Variants in CHRM3 observed in about 807,000 individuals in gnomAD.
CHRM3 encodes cholinergic receptor muscarinic 3.
CHRM3 carries 11 observed loss-of-function variants against 41.8 expected under a neutral mutation model. The ratio of observed to expected loss-of-function variants is 0.26; its 90% CI spans 0.17 to 0.44. The LOEUF (loss-of-function observed/expected upper bound fraction) is 0.44, where lower values mean the gene tolerates loss of function less well. Ranked by LOEUF, CHRM3 falls within the 20% of genes least tolerant of loss-of-function variation. CHRM3 has a pLI of 1.00. For missense variants in CHRM3, 571 were observed against 745.4 expected (o/e 0.77, Z 2.72); for synonymous variants, 297 against 301.4 (o/e 0.99, Z 0.15).
chr1:239,909,265 A>G lies in CHRM3; in HGVS notation c.*41A>G, dbSNP rs1680220961. ...ATAGCAGTGACAAAACGCACACATC[A>G]ACCCACAGACCTTAGGAGGAGGAAG... On this transcript the variant is annotated 3_prime_UTR_variant, in exon 7 of 7. Transcript: ENST00000676153. The G allele has an allele frequency of 3.9e-6, 6 of 1,555,484 alleles. No homozygotes were observed. Among genetic ancestry groups the G allele is most frequent in the Non-Finnish European group, 5.2e-6 (6 of 1,151,038 alleles).
intron 1 of CHRM3, among the ~76,000 whole-genome samples, chr1:239,408,773 C>G (rs1660839866): frequency 6.6e-6 from 1 of 151,040 alleles, no homozygotes; most frequent in African/African-American, 2.4e-5. Flanking sequence ...AGGTGCACAA[C>G]AGCGTGGCTG....
chr1:239,407,990 A>G (rs1660741539), intron 1 of CHRM3, among the ~76,000 whole-genome samples: 1 of 152,054 alleles, frequency 6.6e-6, no homozygotes. Flanking sequence ...GTGATAGGCA[A>G]TTGATATGGT....
rs1553356874 is a variant in CHRM3 at position 239,662,893 on chromosome 1, C to CTCTTCTTCTTCTTCTTTTTCTTCT, written c.-249-15277_-249-15276insTTTCTTCTTCTTCTTCTTCTTCTT. The stretch of plus-strand genomic sequence containing the variant: ...TCTCCTCTTTCTCCTCTTCCTCCTC[C>CTCTTCTTCTTCTTCTTTTTCTTCT]TCTTCTTCTTCTTCTTCTTCTTCTT... On this transcript the variant is annotated intron_variant, in intron 4 of 6. Transcript: ENST00000676153. 1.9e-3 allele frequency among the ~76,000 whole-genome samples: 89 copies of CTCTTCTTCTTCTTCTTTTTCTTCT among 46,354 alleles called. 1 individual carries two copies. Among genetic ancestry groups the CTCTTCTTCTTCTTCTTTTTCTTCT allele is most frequent in the African/African-American group, 6.8e-3 (86 of 12,662 alleles). 30.4% of individuals were successfully genotyped at this position (46,354 alleles called of 152,430 possible). A position where few individuals can be genotyped will look rare whatever the true frequency, so the allele number is the denominator to read the frequency against.
intron 6 of CHRM3, among the ~76,000 whole-genome samples, chr1:239,838,986 G>A (rs1673559009): frequency 6.6e-6 from 1 of 152,180 alleles, no homozygotes. Context: ...GCATGGATGG[G>A]GATAGGTTTT....
At chr1:239,545,882 G>T (rs1030652311) in intron 3 of CHRM3, 133 bp downstream of exon 3, 6 of 152,230 alleles carry the variant, frequency 3.9e-5, no homozygotes, top group Non-Finnish European at 8.8e-5. Flanking sequence ...GCTAGATCTA[G>T]TCTATTTCTG....
chr1:239,628,550 C>G (rs1242236043), intron 3 of CHRM3, among the ~76,000 whole-genome samples: 2 of 69,346 alleles, frequency 2.9e-5, no homozygotes, highest in Admixed American at 1.2e-4. Context: ...TGGTGAGGAA[C>G]TGCGTTCCTT....
intron 4 of CHRM3, among the ~76,000 whole-genome samples, chr1:239,677,835 A>G (rs941804390): frequency 6.6e-6 from 1 of 152,212 alleles, no homozygotes; most frequent in Non-Finnish European, 1.5e-5. Context: ...TGTTATGTGT[A>G]CATATTTTTG....
intron 6 of CHRM3, among the ~76,000 whole-genome samples, chr1:239,829,600 T>C (rs1672741052): frequency 6.6e-6 from 1 of 152,178 alleles, no homozygotes; most frequent in Non-Finnish European, 1.5e-5. Flanking sequence ...TTTCATCTTA[T>C]AACAGTTTTA....
intron 3 of CHRM3, among the ~76,000 whole-genome samples, chr1:239,553,345 A>G (rs914722722): frequency 6.6e-6 from 1 of 152,068 alleles, no homozygotes; most frequent in Admixed American, 6.5e-5. Flanking sequence ...TAAACTCATA[A>G]TTAAAGATTT....
chr1:239,691,265 TAA>T (rs1485863434), intron 5 of CHRM3, among the ~76,000 whole-genome samples: 1 of 151,988 alleles, frequency 6.6e-6, no homozygotes, highest in Non-Finnish European at 1.5e-5. Context: ...TTCAGACATA[TAA>T]AAAGAGATAC....
At chr1:239,679,183 T>A (rs1050610930) in intron 5 of CHRM3, among the ~76,000 whole-genome samples, 1 of 152,188 alleles carries the variant, frequency 6.6e-6, no homozygotes, top group Non-Finnish European at 1.5e-5. Context: ...TGCAACTTTT[T>A]AAAATATTAT....
intron 5 of CHRM3, among the ~76,000 whole-genome samples, chr1:239,817,720 A>AGC (rs1671707535): frequency 6.6e-6 from 1 of 151,976 alleles, no homozygotes; most frequent in Non-Finnish European, 1.5e-5. Flanking sequence ...ACTCGCACAG[A>AGC]TCTCTAAGCT....
chr1:239,856,115 T>A (rs971204889), intron 6 of CHRM3, among the ~76,000 whole-genome samples: 1 of 152,094 alleles, frequency 6.6e-6, no homozygotes, highest in Non-Finnish European at 1.5e-5. Context: ...GTGCTAACTG[T>A]CCTATCTCTA....
intron 6 of CHRM3, among the ~76,000 whole-genome samples, chr1:239,840,229 CT>C (rs1673678371): frequency 1.3e-5 from 2 of 151,806 alleles, no homozygotes; most frequent in Non-Finnish European, 2.9e-5. Flanking sequence ...TGGTGGTGGA[CT>C]TTTTTTTACA....
intron 3 of CHRM3, among the ~76,000 whole-genome samples, chr1:239,565,910 C>CTTTTTT (rs796838831): frequency 1.8e-4 from 21 of 117,446 alleles, no homozygotes; most frequent in Non-Finnish European, 2.5e-4. Flanking sequence ...CATCTTTTTT[C>CTTTTTT]TTTTTTTTTT....
chr1:239,640,144 A>T (rs1670948498), intron 4 of CHRM3, among the ~76,000 whole-genome samples: 3 of 150,974 alleles, frequency 2.0e-5, no homozygotes, highest in Admixed American at 6.6e-5. Flanking sequence ...AAGCTTTTTG[A>T]TGTGCTGCTG....
intron 4 of CHRM3, among the ~76,000 whole-genome samples, chr1:239,674,729 A>G (rs2149074005): frequency 6.8e-6 from 1 of 147,354 alleles, no homozygotes; most frequent in South Asian, 2.2e-4. Context: ...AAAAAAAAAG[A>G]AAGAAAAATC....
intron 5 of CHRM3, chr1:239,703,357 A>T (rs1660858890): frequency 6.6e-6 from 1 of 152,194 alleles, no homozygotes; most frequent in African/African-American, 2.4e-5. Context: ...GTTGCCAAGT[A>T]AAGGAAAACA....
chr1:239,851,908 C>T (rs1480304896), intron 6 of CHRM3, among the ~76,000 whole-genome samples: 2 of 152,130 alleles, frequency 1.3e-5, no homozygotes, highest in African/African-American at 4.8e-5. Context: ...CCAGCATCAT[C>T]GCCCAGGAGC....
Sources: gnomAD v4.1 joint callset for allele counts (sites outside exome capture counted in the v4.1 genomes callset) on GRCh38, gnomAD v4.1.1 for gene constraint, MANE v1.5 for transcripts, NCBI Gene and HGNC (gene_info 2026-07-23, HGNC 2026-07-21) for gene names.